PRKG1: variants seen among roughly 807,000 people sequenced by gnomAD.
PRKG1 encodes cGMP-dependent protein kinase 1.
PRKG1 carries 35 observed loss-of-function variants against 88.1 expected under a neutral mutation model. The observed-to-expected ratio is 0.40, with a 90% CI of 0.30 to 0.53. The LOEUF (loss-of-function observed/expected upper bound fraction) is 0.53. PRKG1 is among the 20% of genes least tolerant of loss of function. The pLI is 0.59. For missense variants in PRKG1, 540 were observed against 839.8 expected, an observed-to-expected ratio of 0.64 and a Z score of 4.41; for synonymous variants, 303 against 292.5, an observed-to-expected ratio of 1.04 and a Z score of -0.37.
chr10:51,724,585 C>T (rs757352744), intron 3 of PRKG1, among the ~76,000 whole-genome samples: 1 of 152,162 alleles, frequency 6.6e-6, no homozygotes, highest in Admixed American at 6.5e-5. Context: ...GATGGGGTCT[C>T]ACTATATTGC....
intron 9 of PRKG1, among the ~76,000 whole-genome samples, chr10:52,165,014 T>A (rs1039069373): frequency 2.0e-5 from 3 of 152,214 alleles, no homozygotes; most frequent in African/African-American, 7.2e-5. Flanking sequence ...CCATGTTTTT[T>A]AATATTCATT....
chr10:51,850,489 T>TTTTATATA (rs1554848478), intron 4 of PRKG1, among the ~76,000 whole-genome samples: 2 of 143,572 alleles, frequency 1.4e-5, no homozygotes, highest in African/African-American at 5.0e-5. Flanking sequence ...TGTTGCAATT[T>TTTTATATA]TATATATATA....
chr10:52,037,198 GC>G (rs947825483), intron 5 of PRKG1, among the ~76,000 whole-genome samples: 6 of 152,216 alleles, frequency 3.9e-5, no homozygotes, highest in African/African-American at 1.4e-4. Context: ...GCATTCCTTG[GC>G]CCAGTGGCCA....
At chr10:51,237,838 C>T (rs930803362) in intron 2 of PRKG1, among the ~76,000 whole-genome samples, 1 of 152,038 alleles carries the variant, frequency 6.6e-6, no homozygotes, top group African/African-American at 2.4e-5. Context: ...GTGTTTCAGG[C>T]CCTTGATCCC....
intron 9 of PRKG1, among the ~76,000 whole-genome samples, chr10:52,169,533 A>C (rs1250736636): frequency 6.6e-6 from 1 of 152,160 alleles, no homozygotes; most frequent in Non-Finnish European, 1.5e-5. Context: ...AGGTTTCCAC[A>C]CATGAATTTA....
At chr10:51,502,381 A>G (rs2038916) in intron 3 of PRKG1, among the ~76,000 whole-genome samples, 44,570 of 152,104 alleles carry the variant, frequency 0.29, 7,322 homozygotes, top group Non-Finnish European at 0.38. Flanking sequence ...TGAGGAGCAC[A>G]AATTGCTATC....
At chr10:52,043,213 A>C (rs1222470252) in intron 5 of PRKG1, among the ~76,000 whole-genome samples, 2 of 152,118 alleles carry the variant, frequency 1.3e-5, no homozygotes, top group African/African-American at 4.8e-5. Flanking sequence ...TAAATTCACT[A>C]TGGGGTATAA....
intron 5 of PRKG1, among the ~76,000 whole-genome samples, chr10:51,958,565 G>A (rs1310451437): frequency 8.5e-6 from 1 of 118,198 alleles, no homozygotes; most frequent in Non-Finnish European, 1.8e-5. Flanking sequence ...TTTTTTTTCA[G>A]TTGGACGTCT....
chr10:52,032,984 G>A (rs996279582), intron 5 of PRKG1, among the ~76,000 whole-genome samples: 2 of 152,152 alleles, frequency 1.3e-5, no homozygotes, highest in Non-Finnish European at 2.9e-5. Flanking sequence ...AGTTGTCAGG[G>A]TATCACTACT....
chr10:51,754,114 AT>A (rs368256043), intron 3 of PRKG1, among the ~76,000 whole-genome samples: 34 of 151,900 alleles, frequency 2.2e-4, no homozygotes, highest in African/African-American at 7.7e-4. Flanking sequence ...TTTTCTCTGG[AT>A]TTAGCCATTC....
intron 3 of PRKG1, among the ~76,000 whole-genome samples, chr10:51,572,580 G>C (rs1037697230): frequency 6.6e-6 from 1 of 151,802 alleles, no homozygotes. Context: ...TGCAAAGTAT[G>C]GTTTCTGTAG....
chr10:52,293,342 T>A (rs575120093), intron 17 of PRKG1, among the ~76,000 whole-genome samples: 10 of 151,326 alleles, frequency 6.6e-5, no homozygotes, highest in Non-Finnish European at 1.3e-4. Context: ...CTGCCCAAGG[T>A]AATTTATAGA....
At chr10:51,132,349 C>T (rs1165890538) in intron 1 of PRKG1, among the ~76,000 whole-genome samples, 1 of 152,096 alleles carries the variant, frequency 6.6e-6, no homozygotes, top group South Asian at 2.1e-4. Context: ...TTTATTACTA[C>T]ACCTCATCTC....
At chr10:51,372,984 G>A (rs988415571) in intron 2 of PRKG1, among the ~76,000 whole-genome samples, 1 of 152,012 alleles carries the variant, frequency 6.6e-6, no homozygotes, top group African/African-American at 2.4e-5. Flanking sequence ...GTTTACTGAT[G>A]TTTTCTTTTT....
chr10:51,984,510 A>C (rs1041719188), intron 5 of PRKG1, among the ~76,000 whole-genome samples: 4 of 152,164 alleles, frequency 2.6e-5, no homozygotes, highest in African/African-American at 9.7e-5. Flanking sequence ...TAAGTAGCTC[A>C]ATTGTGCTTG....
At chr10:51,173,497 T>C (rs1169407792) in intron 2 of PRKG1, among the ~76,000 whole-genome samples, 4 of 151,862 alleles carry the variant, frequency 2.6e-5, no homozygotes, top group African/African-American at 9.7e-5. Flanking sequence ...CACAAAACTA[T>C]GTGTAAAACT....
chr10:51,940,330 G>A (rs767371802), intron 5 of PRKG1, among the ~76,000 whole-genome samples: 15 of 151,714 alleles, frequency 9.9e-5, no homozygotes, highest in Non-Finnish European at 1.8e-4. Flanking sequence ...TCTACTGATG[G>A]TCAGTCCTCT....
intron 5 of PRKG1, among the ~76,000 whole-genome samples, chr10:51,979,129 G>A (rs990462178): frequency 6.6e-6 from 1 of 152,004 alleles, no homozygotes; most frequent in South Asian, 2.1e-4. Flanking sequence ...TTTGAGGTAT[G>A]TTCCTTCAGT....
At chr10:51,932,001 T>A (rs1470840495) in intron 5 of PRKG1, among the ~76,000 whole-genome samples, 1 of 152,176 alleles carries the variant, frequency 6.6e-6, no homozygotes, top group Non-Finnish European at 1.5e-5. Flanking sequence ...AGTTTTTCTC[T>A]GTAGAAAGCA....
Sources: gnomAD v4.1 joint callset for allele counts (sites outside exome capture counted in the v4.1 genomes callset) on GRCh38, gnomAD v4.1.1 for gene constraint, MANE v1.5 for transcripts, NCBI Gene and HGNC (gene_info 2026-07-23, HGNC 2026-07-21) for gene names.